MUC5B: variants seen among roughly 807,000 people sequenced by gnomAD.
MUC5B encodes mucin-5B.
Under a neutral mutation model 376.9 loss-of-function variants are expected in MUC5B, and 116 were observed. That is an observed-to-expected ratio of 0.31 (90% CI 0.26 to 0.36). The LOEUF (loss-of-function observed/expected upper bound fraction) is 0.36, where lower values mean the gene tolerates loss of function less well. Among genes scored for constraint, MUC5B ranks in the 10% least tolerant of loss-of-function variants. The pLI is 1.00. For synonymous variants in MUC5B, 3,517 were observed against 3,390.9 expected (o/e 1.04, Z -1.29); for missense variants, 7,165 against 7,769.9 (o/e 0.92, Z 2.93).
rs561248584 is a variant in MUC5B at position 1,241,379 on chromosome 11, C to T, written c.4499C>T (p.Thr1500Ile). The T allele has an allele frequency of 1.1e-4, 181 of 1,613,412 alleles. No individual in the cohort carries two copies. The highest frequency in any genetic ancestry group is 1.5e-4 in the Non-Finnish European group (175 of 1,179,658). ...ACGGTCACCCCCTCGGCCCCAGGTA[C>T]CACCACCTGCCAGCCCCGGTGTCAG... Reference protein sequence around the residue: ...PVTVTPSAPGTTTCQPRCQWT... With the variant: ...PVTVTPSAPGITTCQPRCQWT... Residue 1500 changes from threonine to isoleucine, a missense_variant, in exon 31 of 49, where the codon ACC (threonine) becomes ATC (isoleucine). This residue lies in a region of MUC5B where 517 missense variants were observed against 545.3 expected (regional missense o/e 0.95). Transcript: ENST00000529681.
Position 1,256,743 on chromosome 11 carries a change from A to T in MUC5B, c.16209A>T (p.Ala5403=). 1.9e-6 allele frequency: 3 copies of T among 1,547,910 alleles called. No individual in the cohort carries two copies. Among genetic ancestry groups the T allele is most frequent in the Non-Finnish European group, 2.6e-6 (3 of 1,148,392 alleles). The change falls in exon 39 of 49, where the codon GCA becomes GCT. Residue 5403 remains alanine (A), a synonymous_variant. Transcript: ENST00000529681. The part of the protein sequence containing the change: ...FCPEDQILFN[A]HMGICVQACP... ...CTGAGGACCAGATCCTCTTCAACGC[A>T]CACATGGGCATCTGCGTGCAGGCCT...
chr11:1,256,525 G>GC, intron 38 of MUC5B, 146 bp from the exon 39 acceptor site: 2 of 68,850 alleles, frequency 2.9e-5, no homozygotes, highest in East Asian at 9.4e-4. Context: ...ACCCGTCCCC[G>GC]CCCCCAGCCC....
rs146557933 is a variant in MUC5B, at chr11:1,251,559, G to A, written c.14679G>A (p.Thr4893=). 38 of 1,612,922 alleles carry A rather than the reference G, an allele frequency of 2.4e-5. No homozygotes were observed. The highest frequency in any genetic ancestry group is 3.3e-4 in the Middle Eastern group (2 of 6,062). Residue 4893 remains threonine, a synonymous_variant, in exon 31 of 49, where the codon ACG becomes ACA. Transcript: ENST00000529681. ...MATMPTATAS[T]VPSSSTVGTT... The stretch of plus-strand genomic sequence containing the variant: ...CTATGCCCACAGCCACTGCCTCCAC[G>A]GTTCCCAGCTCGTCCACCGTGGGGA...
Position 1,261,856 on chromosome 11 carries a change from T to C in MUC5B, c.*248T>C, listed in dbSNP as rs972903023. The stretch of plus-strand genomic sequence containing the variant: ...GAGAGCCTGTGGCCCACCTTGGCCT[T>C]GCCCCTCCCTGATGTCACTGGGACG... On this transcript the variant is annotated 3_prime_UTR_variant, in exon 49 of 49. Coordinates refer to ENST00000529681, the MANE Select transcript of MUC5B (RefSeq NM_002458.3). 5 of 687,988 alleles carry C rather than the reference T, an allele frequency of 7.3e-6. No individual in the cohort carries two copies. Among genetic ancestry groups the C allele is most frequent in the Non-Finnish European group, 1.3e-5 (5 of 376,012 alleles). 42.6% of individuals were successfully genotyped at this position (687,988 alleles called of 1,614,324 possible).
At chr11:1,228,519 C>A in intron 7 of MUC5B, 45 bp from the exon 8 acceptor site, 1 of 1,468,344 alleles carries the variant, frequency 6.8e-7, no homozygotes, top group South Asian at 1.3e-5. Flanking sequence ...GTGGCAGCCC[C>A]CATGGATGGC....
At position 1,223,141 on chromosome 11, in the gene MUC5B, G is replaced by A. The variant is rs868610992; in HGVS notation, c.18G>A (p.Ala6=). The stretch of plus-strand genomic sequence containing the variant: ...CCCCCAGGATGGGTGCCCCGAGCGC[G>A]TGCCGGACGCTGGTGTTGGCTCTGG... MGAPS[A]CRTLVLALAA... is the part of the protein sequence containing the mutation. The change falls in exon 1 of 49, where the codon GCG becomes GCA. Residue 6 remains alanine, a synonymous_variant. Coordinates refer to ENST00000529681, the MANE Select transcript of MUC5B (RefSeq NM_002458.3). The A allele has an allele frequency of 6.5e-5, 46 of 706,530 alleles. No homozygotes were observed. The Middle Eastern group carries it at 4.8e-3, about 74-fold the overall frequency. 43.8% of individuals were successfully genotyped at this position (706,530 alleles called of 1,614,324 possible).
At position 1,248,159 on chromosome 11, in the gene MUC5B, C is replaced by T; in HGVS notation, c.11279C>T (p.Pro3760Leu). The T allele has an allele frequency of 1.3e-6, 2 of 1,593,934 alleles. No homozygotes were observed. The highest frequency in any genetic ancestry group is 1.1e-5 in the South Asian group (1 of 90,454). Residue 3760 changes from proline to leucine, a missense_variant, in exon 31 of 49, where the codon CCC becomes CTC. Transcript: ENST00000529681. Reference protein sequence around the residue: ...TPHVSTTATTPTVTSSKATPF... With the variant: ...TPHVSTTATTLTVTSSKATPF... ...CATGTGAGCACCACGGCCACGACAC[C>T]CACAGTCACCAGCTCCAAAGCCACT... is the stretch of plus-strand genomic sequence containing the variant.
At chr11:1,251,876 C>G in intron 31 of MUC5B, 133 bp downstream of exon 31, 2 of 693,598 alleles carry the variant, frequency 2.9e-6, no homozygotes, top group Non-Finnish European at 4.8e-6. Flanking sequence ...CTTGGCCCCT[C>G]CCGGCCACAC....
At position 1,242,832 on chromosome 11, in the gene MUC5B, C is replaced by A; in HGVS notation, c.5952C>A (p.Pro1984=). Residue 1984 remains proline, a synonymous_variant, in exon 31 of 49, where the codon CCC becomes CCA. Coordinates refer to ENST00000529681, the MANE Select transcript of MUC5B (RefSeq NM_002458.3). The part of the protein sequence containing the change: ...TPTATSVTPI[P]SSSLGTTWTR... The stretch of plus-strand genomic sequence containing the variant: ...CAGCTACCAGCGTTACACCCATCCC[C>A]TCTTCCTCCCTGGGCACCACCTGGA... The A allele has an allele frequency of 1.2e-6, 2 of 1,613,462 alleles. No individual in the cohort carries two copies. Among genetic ancestry groups the A allele is most frequent in the African/African-American group, 1.3e-5 (1 of 74,872 alleles).
Position 1,250,098 on chromosome 11 carries a change from C to T in MUC5B, c.13218C>T (p.Gly4406=), listed in dbSNP as rs1163179828. The T allele has an allele frequency of 6.3e-7, 1 of 1,594,056 alleles. No individual in the cohort carries two copies. Among genetic ancestry groups the T allele is most frequent in the Admixed American group, 1.7e-5 (1 of 58,392 alleles). ...CAGCCACTACAACTGCAGCCACTGG[C>T]CCCACGGCCACCCCGTCCTCCACCC... ...TTAATTTAAT[G]PTATPSSTPG... Residue 4406 remains glycine (G), a synonymous_variant, in exon 31 of 49, where the codon GGC becomes GGT. Coordinates refer to ENST00000529681, the MANE Select transcript of MUC5B (RefSeq NM_002458.3).
chr11:1,242,800 A>C lies in MUC5B; in HGVS notation c.5920A>C (p.Thr1974Pro). Residue 1974 changes from threonine to proline, a missense_variant, in exon 31 of 49, where the codon ACA becomes CCA. Physicochemically the swap from Thr to Pro is conservative, Grantham distance 38. Transcript: ENST00000529681. ...TCCAGCACTGAGAAGCACAGCCACC[A>C]CACCCACAGCTACCAGCGTTACACC... ...ALPALRSTATTPTATSVTPIP... is the reference protein window; with the variant it reads ...ALPALRSTATPPTATSVTPIP... The C allele has an allele frequency of 6.2e-7, 1 of 1,612,696 alleles. No homozygotes were observed. Among genetic ancestry groups the C allele is most frequent in the Non-Finnish European group, 8.5e-7 (1 of 1,179,522 alleles).
At position 1,248,438 on chromosome 11, in the gene MUC5B, C is replaced by A. The variant is rs184186640; in HGVS notation, c.11558C>A (p.Pro3853His). The A allele has an allele frequency of 8.1e-4, 1,310 of 1,610,684 alleles. 22 individuals are homozygous for A. The highest frequency in any genetic ancestry group is 1.0e-3 in the Non-Finnish European group (1,206 of 1,177,950). Residue 3853 changes from proline (P) to histidine (H), a missense_variant, in exon 31 of 49, where the codon CCC becomes CAC. By Grantham distance (77) the Pro-to-His change is moderately conservative. Transcript: ENST00000529681. ...TTRATGSVAT[P>H]SSTPGTAHTT... The stretch of plus-strand genomic sequence containing the variant: ...AGGGCCACCGGCTCTGTGGCCACCC[C>A]CTCTTCCACCCCAGGAACAGCTCAC...
At chr11:1,259,685 G>A (rs1862945801) in intron 44 of MUC5B, 71 bp from the exon 45 acceptor site, 7 of 1,524,560 alleles carry the variant, frequency 4.6e-6, no homozygotes, top group Non-Finnish European at 6.3e-6. Flanking sequence ...GGTGTAGACA[G>A]GAGGGCAGGC....
chr11:1,226,325 C>A, intron 3 of MUC5B, 49 bp downstream of exon 3: 1 of 1,541,308 alleles, frequency 6.5e-7, no homozygotes. Context: ...TTTGCCAGTC[C>A]CAAAGGTGGG....
chr11:1,247,947 G>C lies in MUC5B; in HGVS notation c.11067G>C (p.Thr3689=), dbSNP rs753378977. The C allele has an allele frequency of 1.2e-6, 2 of 1,610,988 alleles. No homozygotes were observed. Among genetic ancestry groups the C allele is most frequent in the South Asian group, 1.1e-5 (1 of 91,016 alleles). The stretch of plus-strand genomic sequence containing the variant: ...CCACGCCCTCCTCAACTCCGGGGAC[G>C]ACCTGGATCCTCACAAAGCTGACCA... ...STATPSSTPG[T]TWILTKLTTT... is the part of the protein sequence containing the mutation. The change falls in exon 31 of 49, where the codon ACG becomes ACC. Residue 3689 remains threonine, a synonymous_variant. Coordinates refer to ENST00000529681, the MANE Select transcript of MUC5B (RefSeq NM_002458.3).
rs567233629 is a variant in MUC5B, at chr11:1,233,038, G to C, written c.2091G>C (p.Lys697Asn). The C allele has an allele frequency of 1.2e-6, 2 of 1,600,212 alleles. No individual in the cohort carries two copies. Among genetic ancestry groups the C allele is most frequent in the African/African-American group, 1.3e-5 (1 of 74,912 alleles). The change falls in exon 18 of 49, where the codon AAG (lysine) becomes AAC (asparagine). Residue 697 changes from lysine (K) to asparagine (N), a missense_variant. Physicochemically the swap from Lys to Asn is moderately conservative, Grantham distance 94 (BLOSUM62 0). Transcript: ENST00000529681. ...VCTKYMQNCPKSQRYAYVVDA... is the reference protein window; with the variant it reads ...VCTKYMQNCPNSQRYAYVVDA... ...CCAAGTACATGCAGAACTGCCCCAA[G>C]TCCCAGCGCTACGCCTACGTGGTGG...
rs1359916684 is a variant in MUC5B at position 1,249,093 on chromosome 11, T to G, written c.12213T>G (p.Pro4071=). 6.2e-7 allele frequency: 1 copy of G among 1,605,044 alleles called. No individual in the cohort carries two copies. The highest frequency in any genetic ancestry group is 1.4e-5 in the African/African-American group (1 of 72,106). ...HSTPALSSPH[P]SSRTTESPPS... ...CTCCAGCCCTGTCCAGCCCTCACCC[T>G]AGCAGCAGGACCACCGAGTCACCCC... Residue 4071 remains proline (P), a synonymous_variant, in exon 31 of 49, where the codon CCT becomes CCG. Transcript: ENST00000529681.
In MUC5B at chr11:1,242,873, C is replaced by A. The variant is rs753431710; in HGVS notation, c.5993C>A (p.Thr1998Asn). ...ACCACCTGGACCCGCCTATCACAGA[C>A]CACCACACCCACGGCCACCATGTCC... Reference protein sequence around the residue: ...LGTTWTRLSQTTTPTATMSTA... With the variant: ...LGTTWTRLSQNTTPTATMSTA... The change falls in exon 31 of 49, where the codon ACC becomes AAC. Residue 1998 changes from threonine to asparagine, a missense_variant. Thr to Asn is a moderately conservative substitution (Grantham distance 65). Coordinates refer to ENST00000529681, the MANE Select transcript of MUC5B (RefSeq NM_002458.3). The A allele has an allele frequency of 5.0e-6, 8 of 1,613,582 alleles. No individual in the cohort carries two copies. Among genetic ancestry groups the A allele is most frequent in the African/African-American group, 1.3e-5 (1 of 74,760 alleles).
Position 1,241,378 on chromosome 11 carries a change from A to G in MUC5B, c.4498A>G (p.Thr1500Ala), listed in dbSNP as rs375713981. ...GACGGTCACCCCCTCGGCCCCAGGT[A>G]CCACCACCTGCCAGCCCCGGTGTCA... Reference protein sequence around the residue: ...PVTVTPSAPGTTTCQPRCQWT... With the variant: ...PVTVTPSAPGATTCQPRCQWT... The change falls in exon 31 of 49, where the codon ACC becomes GCC. Residue 1500 changes from threonine (T) to alanine (A), a missense_variant. Transcript: ENST00000529681. 7 of 1,613,376 alleles carry G rather than the reference A, an allele frequency of 4.3e-6. No homozygotes were observed. The African/African-American group carries it at 6.7e-5, about 15-fold the overall frequency.
Sources: allele counts gnomAD v4.1 joint callset, GRCh38; gene constraint gnomAD v4.1.1; regional missense constraint gnomAD v4.1.1; transcripts MANE v1.5; gene names NCBI Gene and HGNC (gene_info 2026-07-23, HGNC 2026-07-21).